The following WFDC8 variants were observed in gnomAD, a reference collection of about 807,000 sequenced individuals.
The protein encoded by WFDC8 is WAP four-disulfide core domain protein 8.
In WFDC8, 24 loss-of-function variants were observed where a neutral mutation model predicts 27.0. The ratio of observed to expected loss-of-function variants is 0.89; its 90% CI spans 0.64 to 1.25. The LOEUF (loss-of-function observed/expected upper bound fraction) is 1.25. Ranked by LOEUF, WFDC8 falls within the 50% of genes most tolerant of loss-of-function variation. WFDC8 has a pLI of 0.00. For missense variants in WFDC8, 287 were observed against 295.9 expected (o/e 0.97, Z 0.22); for synonymous variants, 106 against 99.7 (o/e 1.06, Z -0.38).
intron 1 of WFDC8, among the ~76,000 whole-genome samples, chr20:45,569,306 G>A (rs1261449053): frequency 4.6e-5 from 7 of 152,166 alleles, no homozygotes; most frequent in South Asian, 4.1e-4. Context: ...AGAACCAAAT[G>A]TCATACTTAA....
chr20:45,557,120 G>C (rs1384035655), intron 3 of WFDC8, among the ~76,000 whole-genome samples: 1 of 152,116 alleles, frequency 6.6e-6, no homozygotes, highest in Non-Finnish European at 1.5e-5. Context: ...CTGCCACAAC[G>C]CCCAACCACA....
intron 1 of WFDC8, among the ~76,000 whole-genome samples, chr20:45,567,468 G>GT (rs1342745200): frequency 2.0e-5 from 3 of 152,212 alleles, no homozygotes; most frequent in African/African-American, 7.2e-5. Flanking sequence ...ATGCAGACAT[G>GT]TAACACAGGT....
intron 1 of WFDC8, among the ~76,000 whole-genome samples, chr20:45,569,483 A>C (rs1980794676): frequency 6.6e-6 from 1 of 152,206 alleles, no homozygotes; most frequent in South Asian, 2.1e-4. Flanking sequence ...CATAAGAAAA[A>C]ATTTGATTCC....
intron 1 of WFDC8, among the ~76,000 whole-genome samples, chr20:45,577,688 G>A (rs958094101): frequency 6.8e-6 from 1 of 146,792 alleles, no homozygotes; most frequent in Admixed American, 6.7e-5. Context: ...ATGAGCCACC[G>A]CGCCTGGCCT....
At chr20:45,558,743 G>A (rs1980357271) in intron 3 of WFDC8, 109 bp downstream of exon 3, 7 of 1,383,664 alleles carry the variant, frequency 5.1e-6, no homozygotes, top group Admixed American at 2.1e-5. Flanking sequence ...AACAGAATGA[G>A]AAGAGCACAG....
At chr20:45,554,761 C>T (rs1980177828) in intron 4 of WFDC8, among the ~76,000 whole-genome samples, 1 of 152,174 alleles carries the variant, frequency 6.6e-6, no homozygotes, top group Non-Finnish European at 1.5e-5. Flanking sequence ...CCAGGGTTGC[C>T]TTGGCCGTTC....
intron 1 of WFDC8, among the ~76,000 whole-genome samples, chr20:45,566,022 A>G (rs927676401): frequency 1.6e-4 from 25 of 152,194 alleles, no homozygotes; most frequent in Admixed American, 3.3e-4. Context: ...ATATTTTGAA[A>G]CCATAGTATT....
chr20:45,555,536 G>A (rs1402225662), intron 4 of WFDC8, among the ~76,000 whole-genome samples, 165 bp downstream of exon 4: 1 of 152,110 alleles, frequency 6.6e-6, no homozygotes, highest in Non-Finnish European at 1.5e-5. Context: ...CAAGGAAACT[G>A]AAGCTTATAA....
At chr20:45,574,664 G>A (rs545432303) in intron 1 of WFDC8, among the ~76,000 whole-genome samples, 2 of 152,272 alleles carry the variant, frequency 1.3e-5, no homozygotes, top group East Asian at 3.9e-4. Context: ...CAGGCATGGT[G>A]ACACATCCCC....
At position 45,555,961 on chromosome 20, in the gene WFDC8, T is replaced by C. The variant is rs113072394; in HGVS notation, c.278-93A>G. 890 of 1,313,746 alleles carry C rather than the reference T, an allele frequency of 6.8e-4. 3 individuals are homozygous for C. The African/African-American group carries it at 0.011, about 17-fold the overall frequency. 81.4% of individuals were successfully genotyped at this position (1,313,746 alleles called of 1,614,324 possible). ...GCATTTCTCATAACTCCTGGTGTTA[T>C]CACCCAAGTCATAAAAGGAGCCATG... On this transcript the variant is annotated intron_variant, in intron 3 of 5. Transcript: ENST00000289953.
At chr20:45,572,589 ATTTAT>A (rs1187622267) in intron 1 of WFDC8, among the ~76,000 whole-genome samples, 1 of 151,914 alleles carries the variant, frequency 6.6e-6, no homozygotes, top group Non-Finnish European at 1.5e-5. Flanking sequence ...TGAATGCCTT[ATTTAT>A]TTATTTACTA....
intron 1 of WFDC8, among the ~76,000 whole-genome samples, chr20:45,573,612 G>C (rs966712936): frequency 6.6e-6 from 1 of 152,066 alleles, no homozygotes; most frequent in African/African-American, 2.4e-5. Context: ...CTCCATCCAA[G>C]TTGCTGCAAA....
At chr20:45,569,107 G>A (rs1980781633) in intron 1 of WFDC8, among the ~76,000 whole-genome samples, 1 of 152,182 alleles carries the variant, frequency 6.6e-6, no homozygotes, top group Admixed American at 6.5e-5. Flanking sequence ...TTGATTTTCA[G>A]GGGGTCTGCA....
chr20:45,571,549 G>A (rs772856290), intron 1 of WFDC8, among the ~76,000 whole-genome samples: 4 of 152,102 alleles, frequency 2.6e-5, no homozygotes, highest in African/African-American at 4.8e-5. Context: ...ACCATGCTAT[G>A]CAATAGATCT....
chr20:45,573,830 A>G (rs975866826), intron 1 of WFDC8, among the ~76,000 whole-genome samples: 3 of 152,172 alleles, frequency 2.0e-5, no homozygotes, highest in African/African-American at 7.2e-5. Context: ...TTAACCATAA[A>G]TGTATAGATT....
chr20:45,568,350 GTT>G (rs1980753092), intron 1 of WFDC8: 1 of 243,514 alleles, frequency 4.1e-6, no homozygotes, highest in Non-Finnish European at 8.4e-6. Flanking sequence ...AGAAGTCACT[GTT>G]ATTTTTTTCT....
chr20:45,556,371 C>T (rs6032310), intron 3 of WFDC8, among the ~76,000 whole-genome samples: 57,735 of 151,206 alleles, frequency 0.38, 11,637 homozygotes, highest in Non-Finnish European at 0.43. Flanking sequence ...TAAATTATGT[C>T]AGACAAAAAG....
intron 1 of WFDC8, among the ~76,000 whole-genome samples, chr20:45,570,148 C>A (rs1980820732): frequency 6.6e-6 from 1 of 151,810 alleles, no homozygotes; most frequent in African/African-American, 2.4e-5. Flanking sequence ...ACAAGTTTAC[C>A]TATATAACAA....
At chr20:45,569,548 T>G (rs1980797418) in intron 1 of WFDC8, among the ~76,000 whole-genome samples, 1 of 152,236 alleles carries the variant, frequency 6.6e-6, no homozygotes, top group Non-Finnish European at 1.5e-5. Context: ...CATATGTTTT[T>G]AATTGCATAG....
Sources: allele counts gnomAD v4.1 joint callset (sites outside exome capture counted in the v4.1 genomes callset), GRCh38; gene constraint gnomAD v4.1.1; transcripts MANE v1.5; gene names NCBI Gene and HGNC (gene_info 2026-07-23, HGNC 2026-07-21).